Variants in LAMC1 observed in about 807,000 individuals in gnomAD.
The protein encoded by LAMC1 is laminin subunit gamma 1.
Under a neutral mutation model 173.6 loss-of-function variants are expected in LAMC1, and 38 were observed. That is an observed-to-expected ratio of 0.22 (90% CI 0.17 to 0.29). LAMC1 has a LOEUF of 0.29. LAMC1 is among the 10% of genes least tolerant of loss of function. LAMC1 has a pLI of 1.00. For synonymous variants in LAMC1, 746 were observed against 749.1 expected, an observed-to-expected ratio of 1.00 and a Z score of 0.07; for missense variants, 1,824 against 2,051.8, an observed-to-expected ratio of 0.89 and a Z score of 2.14.
intron 1 of LAMC1, among the ~76,000 whole-genome samples, chr1:183,077,912 C>T (rs562388611): frequency 6.6e-6 from 1 of 151,636 alleles, no homozygotes; most frequent in African/African-American, 2.4e-5. Flanking sequence ...TACCAGTTTT[C>T]TCTCTCATGT....
At chr1:183,092,295 T>G (rs1655584455) in intron 1 of LAMC1, among the ~76,000 whole-genome samples, 1 of 152,100 alleles carries the variant, frequency 6.6e-6, no homozygotes, top group Non-Finnish European at 1.5e-5. Context: ...GAAGAAGAGT[T>G]TACAGTAGGG....
At chr1:183,097,371 C>T (rs1312804119) in intron 1 of LAMC1, among the ~76,000 whole-genome samples, 1 of 152,134 alleles carries the variant, frequency 6.6e-6, no homozygotes, top group East Asian at 1.9e-4. Context: ...AGAGTTAACA[C>T]ATAAGAGCCA....
At chr1:183,124,542 T>G (rs1656568552) in intron 13 of LAMC1, 89 bp from the exon 14 acceptor site, 7 of 1,470,776 alleles carry the variant, frequency 4.8e-6, no homozygotes, top group East Asian at 4.5e-5. Flanking sequence ...CATGTGATGA[T>G]TACACTAGAT....
chr1:183,138,851 C>T lies in LAMC1; in HGVS notation c.4473+1024C>T, dbSNP rs566373021. Among the ~76,000 whole-genome samples the T allele has an allele frequency of 3.3e-5, 5 of 152,080 alleles. No homozygotes were observed. In the East Asian group the frequency reaches 9.7e-4, roughly 29 times the overall value. On this transcript the variant is annotated intron_variant, in intron 26 of 27. Transcript: ENST00000258341. ...GGTGGATCGCCTGTGGTCAGGAATT[C>T]GAGACCAGCCTGGCCAACATGGTGA...
intron 1 of LAMC1, among the ~76,000 whole-genome samples, chr1:183,069,077 C>A (rs1654945274): frequency 6.6e-6 from 1 of 152,134 alleles, no homozygotes; most frequent in South Asian, 2.1e-4. Context: ...TTTTAAAATT[C>A]AATATGTAAC....
chr1:183,111,380 C>T (rs1656146809), intron 4 of LAMC1, among the ~76,000 whole-genome samples: 2 of 152,130 alleles, frequency 1.3e-5, no homozygotes, highest in South Asian at 2.1e-4. Flanking sequence ...AGCCACTGCG[C>T]CTGGCCGCAC....
intron 6 of LAMC1, among the ~76,000 whole-genome samples, chr1:183,115,908 A>T (rs563141189): frequency 6.6e-6 from 1 of 152,192 alleles, no homozygotes; most frequent in Non-Finnish European, 1.5e-5. Flanking sequence ...TGGGAGGCCA[A>T]GGTGGCTGGA....
At chr1:183,049,846 G>T (rs1654368959) in intron 1 of LAMC1, among the ~76,000 whole-genome samples, 1 of 151,950 alleles carries the variant, frequency 6.6e-6, no homozygotes, top group African/African-American at 2.4e-5. Flanking sequence ...AATCATTCTG[G>T]ATTTTCTTCC....
At chr1:183,076,888 C>T (rs1558040397) in intron 1 of LAMC1, among the ~76,000 whole-genome samples, 2 of 152,190 alleles carry the variant, frequency 1.3e-5, no homozygotes, top group African/African-American at 4.8e-5. Flanking sequence ...TCTCCCCTTA[C>T]CATCTAATAC....
At chr1:183,025,785 C>T (rs1276055407) in intron 1 of LAMC1, among the ~76,000 whole-genome samples, 1 of 152,212 alleles carries the variant, frequency 6.6e-6, no homozygotes, top group Middle Eastern at 3.2e-3. Context: ...TCTGAAATCT[C>T]AGATGCCTGA....
chr1:183,113,837 A>T (rs149922762), intron 4 of LAMC1, among the ~76,000 whole-genome samples: 58 of 152,302 alleles, frequency 3.8e-4, no homozygotes, highest in African/African-American at 1.3e-3. Flanking sequence ...ATAAAATGGC[A>T]CTTTGTTTTT....
chr1:183,055,018 C>T (rs1277022454), intron 1 of LAMC1, among the ~76,000 whole-genome samples: 23 of 139,616 alleles, frequency 1.6e-4, no homozygotes, highest in African/African-American at 5.3e-4. Context: ...GATGGAGTTT[C>T]GCTCTTGTTG....
Position 183,027,425 on chromosome 1 carries a change from T to A in LAMC1, c.418+3291T>A, listed in dbSNP as rs112976222. Reference sequence around the variant, plus strand: ...GTACCAGTGGGGTAGTAGTTGATACTAAGATTGTAGCTAAGGATTTGCCTT... The same window carrying A: ...GTACCAGTGGGGTAGTAGTTGATACAAAGATTGTAGCTAAGGATTTGCCTT... On this transcript the variant is annotated intron_variant, in intron 1 of 27. Coordinates refer to ENST00000258341, the MANE Select transcript of LAMC1 (RefSeq NM_002293.4). Among the ~76,000 whole-genome samples, 174 of 152,332 alleles carry A rather than the reference T, an allele frequency of 1.1e-3. 1 individual carries two copies. Among genetic ancestry groups the A allele is most frequent in the Non-Finnish European group, 1.1e-3 (73 of 68,018 alleles).
intron 1 of LAMC1, among the ~76,000 whole-genome samples, chr1:183,038,037 A>ATTTT (rs35049638): frequency 3.1e-4 from 43 of 136,936 alleles, no homozygotes; most frequent in African/African-American, 9.1e-4. Context: ...CATTGTATGT[A>ATTTT]TTTTTTTTTT....
intron 3 of LAMC1, 101 bp from the exon 4 acceptor site, chr1:183,110,387 T>A: frequency 1.1e-6 from 1 of 890,376 alleles, no homozygotes; most frequent in East Asian, 2.5e-5. Flanking sequence ...GTTTACACTT[T>A]TGAATGGTAA....
At chr1:183,119,857 C>T (rs371039209) in intron 11 of LAMC1, among the ~76,000 whole-genome samples, 1 of 152,136 alleles carries the variant, frequency 6.6e-6, no homozygotes, top group African/African-American at 2.4e-5. Flanking sequence ...TTAATCACTG[C>T]TGAGTTTTTG....
intron 1 of LAMC1, among the ~76,000 whole-genome samples, chr1:183,091,884 A>G (rs1474488001): frequency 6.6e-6 from 1 of 152,226 alleles, no homozygotes; most frequent in Admixed American, 6.5e-5. Flanking sequence ...TTTACAGGGA[A>G]TCTTGACCAG....
intron 1 of LAMC1, among the ~76,000 whole-genome samples, chr1:183,056,580 T>C (rs1025415086): frequency 2.0e-5 from 3 of 152,148 alleles, no homozygotes; most frequent in Non-Finnish European, 4.4e-5. Context: ...ATTTCTCCAG[T>C]AATACCTGTT....
chr1:183,062,085 A>T (rs1558036075), intron 1 of LAMC1, among the ~76,000 whole-genome samples: 1 of 152,250 alleles, frequency 6.6e-6, no homozygotes, highest in African/African-American at 2.4e-5. Context: ...ACAGGTAAGA[A>T]TAGTGTTCAG....
Sources: allele counts gnomAD v4.1 joint callset (sites outside exome capture counted in the v4.1 genomes callset), GRCh38; gene constraint gnomAD v4.1.1; transcripts MANE v1.5; gene names NCBI Gene and HGNC (gene_info 2026-07-23, HGNC 2026-07-21).